Variants in HEPH observed in about 807,000 individuals in gnomAD.
The protein encoded by HEPH is hephaestin.
Under a neutral mutation model 80.8 loss-of-function variants are expected in HEPH, and 69 were observed. The observed-to-expected ratio is 0.85, with a 90% CI of 0.70 to 1.04. HEPH has a LOEUF of 1.04. Among genes scored for constraint, HEPH ranks in the 50% least tolerant of loss-of-function variants. HEPH has a pLI of 0.00. For missense variants in HEPH, 1,115 were observed against 891.3 expected, an observed-to-expected ratio of 1.25 and a Z score of -3.20; for synonymous variants, 431 against 322.8, an observed-to-expected ratio of 1.34 and a Z score of -3.60.
At chrX:66,194,753 C>T (rs963433583) in intron 8 of HEPH, among the ~76,000 whole-genome samples, 2 of 111,285 alleles carry the variant, frequency 1.8e-5, no homozygotes, top group African/African-American at 3.3e-5. Flanking sequence ...AATTGCTGGC[C>T]TCTGGTCCTG....
intron 15 of HEPH, among the ~76,000 whole-genome samples, chrX:66,228,684 G>GA (rs751188912): frequency 1.4e-4 from 15 of 110,568 alleles, no homozygotes; most frequent in Middle Eastern, 9.3e-3. Context: ...AAATCAGCAA[G>GA]AAAAAAAATC....
intron 15 of HEPH, among the ~76,000 whole-genome samples, chrX:66,242,009 A>G (rs1219228376): frequency 9.0e-6 from 1 of 110,806 alleles, no homozygotes; most frequent in Non-Finnish European, 1.9e-5. Flanking sequence ...GAATTAGAAA[A>G]AAAACTATTT....
intron 18 of HEPH, 71 bp downstream of exon 18, chrX:66,259,050 G>T: frequency 9.4e-7 from 1 of 1,062,091 alleles, no homozygotes; most frequent in African/African-American, 2.0e-5. Flanking sequence ...TGAGAAAAAA[G>T]GTAACAGTGT....
intron 1 of HEPH, 51 bp from the exon 2 acceptor site, chrX:66,170,507 C>T: frequency 9.1e-7 from 1 of 1,094,760 alleles, no homozygotes; most frequent in Non-Finnish European, 1.2e-6. Flanking sequence ...GTAGAAAGCC[C>T]CTTTGTTCTC....
At chrX:66,258,302 A>C (rs1487485992) in intron 17 of HEPH, among the ~76,000 whole-genome samples, 1 of 111,847 alleles carries the variant, frequency 8.9e-6, no homozygotes, top group Non-Finnish European at 1.9e-5. Flanking sequence ...AATGAGAGTT[A>C]TGGAGAGGAA....
chrX:66,207,491 A>G, intron 14 of HEPH, among the ~76,000 whole-genome samples, 157 bp downstream of exon 14: 1 of 111,551 alleles, frequency 9.0e-6, no homozygotes, highest in Middle Eastern at 4.2e-3. Flanking sequence ...ATGACAATAA[A>G]CAGTGAAGGG....
rs372041363 is a variant in HEPH at position 66,258,988 on chromosome X, G to A, written c.3036+9G>A. On this transcript the variant is annotated intron_variant, in intron 18 of 20. Transcript: ENST00000343002. ...AGAGCTTCCTCTATCGGGTGAGCTG[G>A]AAAATGGGCTGAGTCCCTCAAGGAT... 2 of 1,191,810 alleles carry A rather than the reference G, an allele frequency of 1.7e-6. No individual in the cohort carries two copies. The highest frequency in any genetic ancestry group is 3.6e-5 in the African/African-American group (2 of 56,272).
At position 66,234,295 on chromosome X, in the gene HEPH, T is replaced by TA. The variant is rs1230423438; in HGVS notation, c.2564-20729dup. Among the ~76,000 whole-genome samples the TA allele has an allele frequency of 7.8e-3, 844 of 108,154 alleles. 9 individuals carry two copies. Among genetic ancestry groups the TA allele is most frequent in the African/African-American group, 0.024 (727 of 29,945 alleles). The allele number at this position is 108,154 out of a possible 115,157, so 93.9% of individuals were successfully genotyped here. A position where few individuals can be genotyped will look rare whatever the true frequency, so the allele number is the denominator to read the frequency against. ...AGTGTACTTATAATGCTTCTTTTTT[T>TA]AAAAAAAAAAATCCAATCTACTATT... On this transcript the variant is annotated intron_variant, in intron 15 of 20. Coordinates refer to ENST00000343002, the MANE Select transcript of HEPH (RefSeq NM_001367233.3).
intron 14 of HEPH, 141 bp downstream of exon 14, chrX:66,207,475 A>G (rs769263937): frequency 1.7e-4 from 74 of 425,607 alleles, no homozygotes; most frequent in Middle Eastern, 1.4e-3. Flanking sequence ...ATTTTATGAA[A>G]CAACCATGAC....
At chrX:66,229,793 A>T (rs2090044622) in intron 15 of HEPH, among the ~76,000 whole-genome samples, 1 of 110,102 alleles carries the variant, frequency 9.1e-6, no homozygotes, top group South Asian at 3.9e-4. Flanking sequence ...GTTTTATTAT[A>T]CTTTAAGTTT....
At chrX:66,162,862 TCTC>T, upstream of HEPH, 1 of 1,154,220 alleles carries the variant, frequency 8.7e-7, no homozygotes, top group South Asian at 1.9e-5. Flanking sequence ...CTAGCCAAGA[TCTC>T]CTCATCACAA....
intron 15 of HEPH, among the ~76,000 whole-genome samples, chrX:66,230,154 T>G (rs2090065779): frequency 1.1e-5 from 1 of 90,021 alleles, no homozygotes; most frequent in African/African-American, 4.3e-5. Flanking sequence ...ATGTGCCACA[T>G]TTTCTTAATC....
chrX:66,266,546 C>T lies in HEPH; in HGVS notation c.3351C>T (p.Val1117=), dbSNP rs758076543. Residue 1117 remains valine, a synonymous_variant, in exon 21 of 21, where the codon GTC becomes GTT. Transcript: ENST00000343002. Reference sequence around the variant, plus strand: ...CCTCTGTTTTGGTTGCCATTAGTGTCACCCTTCTGCTCGTTGTTCTGGCTC... The same window carrying T: ...CCTCTGTTTTGGTTGCCATTAGTGTTACCCTTCTGCTCGTTGTTCTGGCTC... The part of the protein sequence containing the change: ...MLASVLVAIS[V]TLLLVVLALG... 27 of 1,209,253 alleles carry T rather than the reference C, an allele frequency of 2.2e-5. No homozygotes were observed. The highest frequency in any genetic ancestry group is 3.0e-5 in the Non-Finnish European group (27 of 893,906).
intron 15 of HEPH, among the ~76,000 whole-genome samples, chrX:66,225,341 C>CA: frequency 8.9e-6 from 1 of 111,832 alleles, no homozygotes; most frequent in South Asian, 3.8e-4. Flanking sequence ...CACCACAAAA[C>CA]AAAGAATGGG....
chrX:66,259,568 G>A (rs1266307323), intron 18 of HEPH, among the ~76,000 whole-genome samples: 3 of 111,970 alleles, frequency 2.7e-5, no homozygotes, highest in Admixed American at 9.4e-5. Context: ...ATTTTAGCCT[G>A]CTGAAAATTA....
chrX:66,199,861 G>A (rs147138706), intron 11 of HEPH, among the ~76,000 whole-genome samples: 211 of 111,719 alleles, frequency 1.9e-3, no homozygotes, highest in African/African-American at 6.4e-3. Context: ...AAGTCAACAG[G>A]TATTATCAAA....
In HEPH at chrX:66,266,636, G is replaced by A. The variant is rs1303401034; in HGVS notation, c.3441G>A (p.Leu1147=). The change falls in exon 21 of 21, where the codon CTG becomes CTA. Residue 1147 remains leucine, a synonymous_variant. Coordinates refer to ENST00000343002, the MANE Select transcript of HEPH (RefSeq NM_001367233.3). ...RKLRRNRRSI[L]DDSFKLLSFK... ...TACGACGCAATAGGAGGTCCATCCT[G>A]GATGACAGCTTCAAGCTTCTGTCTT... 1 of 1,204,689 alleles carries A rather than the reference G, an allele frequency of 8.3e-7. No individual in the cohort carries two copies. The highest frequency in any genetic ancestry group is 3.0e-5 in the East Asian group (1 of 33,599).
At chrX:66,179,642 A>T (rs2086997181) in intron 4 of HEPH, among the ~76,000 whole-genome samples, 1 of 111,376 alleles carries the variant, frequency 9.0e-6, no homozygotes, top group Non-Finnish European at 1.9e-5. Flanking sequence ...TGACCTGTCT[A>T]GTGCTGTCAG....
intron 1 of HEPH, chrX:66,170,096 A>C (rs1232479296): frequency 8.9e-6 from 1 of 112,570 alleles, no homozygotes; most frequent in Non-Finnish European, 1.9e-5. Flanking sequence ...TCTAGTAAAT[A>C]TTTTTTAGTA....
Sources: allele counts gnomAD v4.1 joint callset (sites outside exome capture counted in the v4.1 genomes callset), GRCh38; gene constraint gnomAD v4.1.1; transcripts MANE v1.5; gene names NCBI Gene and HGNC (gene_info 2026-07-23, HGNC 2026-07-21).